The following EIF4E variants were observed in gnomAD, a reference collection of about 807,000 sequenced individuals.
EIF4E encodes the protein eIF-4F 25 kDa subunit.
For missense variants in EIF4E, 113 were observed against 265.6 expected (o/e 0.43, Z 3.99); for synonymous variants, 71 against 88.5 (o/e 0.80, Z 1.11).
chr4:98,910,976 C>T (rs753224946), intron 1 of EIF4E, among the ~76,000 whole-genome samples: 6 of 152,018 alleles, frequency 3.9e-5, no homozygotes, highest in Non-Finnish European at 8.8e-5. Flanking sequence ...TCAAGTGATC[C>T]GCCCACCTTG....
intron 5 of EIF4E, chr4:98,886,694 C>T (rs1443198140): frequency 2.9e-5 from 10 of 339,108 alleles, no homozygotes; most frequent in Non-Finnish European, 4.6e-5. Context: ...CCAGCCTGGG[C>T]AACAGAGCAA....
intron 1 of EIF4E, among the ~76,000 whole-genome samples, chr4:98,924,522 T>C (rs770367440): frequency 3.9e-5 from 6 of 152,214 alleles, no homozygotes; most frequent in Admixed American, 3.9e-4. Context: ...TGTGTCTACA[T>C]TGAATTTCTC....
At chr4:98,928,228 G>A (rs1249418586) in intron 1 of EIF4E, among the ~76,000 whole-genome samples, 1 of 152,064 alleles carries the variant, frequency 6.6e-6, no homozygotes, top group Admixed American at 6.6e-5. Flanking sequence ...AAATGCAGCA[G>A]GTCCGGCCGG....
At chr4:98,899,992 C>CTT (rs77030786) in intron 2 of EIF4E, among the ~76,000 whole-genome samples, 4 of 142,114 alleles carry the variant, frequency 2.8e-5, no homozygotes, top group Admixed American at 7.1e-5. Flanking sequence ...AAGATTTAAA[C>CTT]TTTTTTTTTT....
intron 1 of EIF4E, among the ~76,000 whole-genome samples, chr4:98,924,081 ATT>A (rs368748064): frequency 3.4e-5 from 5 of 146,002 alleles, no homozygotes; most frequent in Non-Finnish European, 4.5e-5. Context: ...TCTTTTGTTT[ATT>A]TTTTTTTTTT....
chr4:98,881,216 T>C (rs1723679390), intron 6 of EIF4E, 74 bp from the exon 7 acceptor site: 2 of 1,537,432 alleles, frequency 1.3e-6, no homozygotes, highest in Non-Finnish European at 1.8e-6. Flanking sequence ...TTTAAAAATT[T>C]AGGGTTATTA....
chr4:98,907,002 T>C (rs996719802), intron 1 of EIF4E, among the ~76,000 whole-genome samples: 1 of 152,106 alleles, frequency 6.6e-6, no homozygotes, highest in Admixed American at 6.6e-5. Context: ...AAAATAAGGG[T>C]TGCTTTTTAT....
chr4:98,895,438 G>C (rs567609064), intron 2 of EIF4E: 9 of 152,248 alleles, frequency 5.9e-5, no homozygotes, highest in Admixed American at 3.9e-4. Context: ...AATATTCTCT[G>C]AATTACAATA....
rs1358283830 is a variant in EIF4E, at chr4:98,892,353, CA to C, written c.126-1022del. Among the ~76,000 whole-genome samples, 112 of 125,570 alleles carry C rather than the reference CA, an allele frequency of 8.9e-4. 1 individual carries two copies. Among genetic ancestry groups the C allele is most frequent in the African/African-American group, 3.4e-3 (109 of 31,770 alleles). 82.4% of individuals were successfully genotyped at this position (125,570 alleles called of 152,430 possible). A position where few individuals can be genotyped will look rare whatever the true frequency, so the allele number is the denominator to read the frequency against. The stretch of plus-strand genomic sequence containing the variant: ...CAAAAAAACAAACAAAAAAAAAAAA[CA>C]AAAAAAACACAGCAGACACTTAAAC... On this transcript the variant is annotated intron_variant, in intron 2 of 6. Coordinates refer to ENST00000450253, the MANE Select transcript of EIF4E (RefSeq NM_001968.5).
intron 1 of EIF4E, among the ~76,000 whole-genome samples, chr4:98,924,965 G>C (rs73834930): frequency 6.6e-6 from 1 of 152,106 alleles, no homozygotes; most frequent in Non-Finnish European, 1.5e-5. Flanking sequence ...GTGGATTATC[G>C]AGGAACTCTG....
chr4:98,921,336 T>C (rs1725638737), intron 1 of EIF4E, among the ~76,000 whole-genome samples: 1 of 152,174 alleles, frequency 6.6e-6, no homozygotes, highest in East Asian at 1.9e-4. Context: ...TACTAATATG[T>C]TGACATATAT....
chr4:98,916,947 G>C (rs770241215), intron 1 of EIF4E, among the ~76,000 whole-genome samples: 11 of 152,118 alleles, frequency 7.2e-5, no homozygotes, highest in Non-Finnish European at 1.3e-4. Flanking sequence ...GAGATCCAGG[G>C]AAGACAAATG....
chr4:98,900,668 C>A (rs964276332), intron 2 of EIF4E, among the ~76,000 whole-genome samples: 1 of 152,160 alleles, frequency 6.6e-6, no homozygotes, highest in African/African-American at 2.4e-5. Context: ...TTCTGAACTG[C>A]CATTTTCTTC....
In EIF4E at chr4:98,892,339, AC is replaced by A. The variant is rs68180351; in HGVS notation, c.126-1008del. ...TCCATCTCAAAAAACAAAAAAACAA[AC>A]AAAAAAAAAAAACAAAAAAAACACA... On this transcript the variant is annotated intron_variant, in intron 2 of 6. Transcript: ENST00000450253. 3.2e-3 allele frequency among the ~76,000 whole-genome samples: 439 copies of A among 135,446 alleles called. 9 individuals are homozygous for A. The highest frequency in any genetic ancestry group is 0.01 in the African/African-American group (369 of 35,212). The allele number at this position is 135,446 out of a possible 152,430, so 88.9% of individuals were successfully genotyped here. A position where few individuals can be genotyped will look rare whatever the true frequency, so the allele number is the denominator to read the frequency against.
rs72905051 is a variant in EIF4E, at chr4:98,909,528, A to C, written c.19-7546T>G. The C allele has an allele frequency of 6.2e-3, 3,843 of 619,162 alleles. 97 individuals carry two copies. The highest frequency in any genetic ancestry group is 0.061 in the African/African-American group (3,219 of 53,106). 38.4% of individuals were successfully genotyped at this position (619,162 alleles called of 1,614,324 possible). On this transcript the variant is annotated intron_variant, in intron 1 of 6. Transcript: ENST00000450253. Reference sequence around the variant, plus strand: ...ATTTAATGCAAAAAACACCCTGTACATAAAAGTTTCAGGCTTCTAACTCCA... The same window carrying C: ...ATTTAATGCAAAAAACACCCTGTACCTAAAAGTTTCAGGCTTCTAACTCCA...
At chr4:98,903,283 G>C (rs1397854370) in intron 1 of EIF4E, among the ~76,000 whole-genome samples, 45 of 151,346 alleles carry the variant, frequency 3.0e-4, no homozygotes, top group Admixed American at 3.0e-3. Flanking sequence ...AACATAACAA[G>C]ATATGTAAGT....
At chr4:98,884,038 C>CAAA (rs11438126) in intron 6 of EIF4E, among the ~76,000 whole-genome samples, 18 of 102,916 alleles carry the variant, frequency 1.7e-4, no homozygotes, top group South Asian at 3.6e-4. Flanking sequence ...GACCCTGTCT[C>CAAA]AAAAAAAAAA....
chr4:98,898,391 G>A (rs1329901322), intron 2 of EIF4E, among the ~76,000 whole-genome samples: 1 of 152,052 alleles, frequency 6.6e-6, no homozygotes. Flanking sequence ...GGTGGATCAT[G>A]AGGTCAGGAG....
intron 6 of EIF4E, among the ~76,000 whole-genome samples, chr4:98,881,691 A>T (rs1189384068): frequency 1.3e-5 from 2 of 152,236 alleles, no homozygotes; most frequent in Non-Finnish European, 2.9e-5. Flanking sequence ...CTGCACAAAC[A>T]AAAACTAAAC....
Sources: gnomAD v4.1 joint callset for allele counts (sites outside exome capture counted in the v4.1 genomes callset) on GRCh38, gnomAD v4.1.1 for gene constraint, MANE v1.5 for transcripts, NCBI Gene and HGNC (gene_info 2026-07-23, HGNC 2026-07-21) for gene names.